KLHL3: variants seen among roughly 807,000 people sequenced by gnomAD.
KLHL3 encodes the protein kelch-like protein 3.
In KLHL3, 19 loss-of-function variants were observed where a neutral mutation model predicts 70.5. That is an observed-to-expected ratio of 0.27 (90% CI 0.19 to 0.40). KLHL3 has a LOEUF of 0.40. Among genes scored for constraint, KLHL3 ranks in the 10% least tolerant of loss-of-function variants. The probability of loss-of-function intolerance (pLI) is 1.00; values close to 1 mark genes in which losing one functional copy is unlikely to be tolerated. For synonymous variants in KLHL3, 258 were observed against 290.3 expected, an observed-to-expected ratio of 0.89 and a Z score of 1.13; for missense variants, 512 against 771.1, an observed-to-expected ratio of 0.66 and a Z score of 3.98.
intron 6 of KLHL3, among the ~76,000 whole-genome samples, chr5:137,677,128 A>C (rs1269069705): frequency 6.6e-6 from 1 of 152,170 alleles, no homozygotes; most frequent in Non-Finnish European, 1.5e-5. Flanking sequence ...ATTAAAAAAA[A>C]AAGCTGTTGT....
At chr5:137,632,414 ACT>A (rs1305182381) in intron 12 of KLHL3, among the ~76,000 whole-genome samples, 4 of 152,062 alleles carry the variant, frequency 2.6e-5, no homozygotes, top group Admixed American at 6.5e-5. Flanking sequence ...TGGGGAAAAG[ACT>A]CTCTATTCAA....
intron 8 of KLHL3, among the ~76,000 whole-genome samples, chr5:137,644,052 T>C (rs1750982619): frequency 6.6e-6 from 1 of 152,148 alleles, no homozygotes; most frequent in South Asian, 2.1e-4. Flanking sequence ...TTGTCACAAA[T>C]GACAGGATTT....
At chr5:137,702,375 G>T (rs141265136) in intron 3 of KLHL3, among the ~76,000 whole-genome samples, 26 of 152,294 alleles carry the variant, frequency 1.7e-4, no homozygotes, top group Non-Finnish European at 4.4e-5. Context: ...GAGAATGAGG[G>T]AAGAGTATCC....
chr5:137,690,972 A>G (rs1752307077), intron 5 of KLHL3, among the ~76,000 whole-genome samples: 1 of 152,226 alleles, frequency 6.6e-6, no homozygotes, highest in Non-Finnish European at 1.5e-5. Flanking sequence ...TTTCCTAGTC[A>G]TTCACCATCT....
chr5:137,667,087 C>T (rs931166996), intron 6 of KLHL3, among the ~76,000 whole-genome samples: 1 of 152,164 alleles, frequency 6.6e-6, no homozygotes, highest in Non-Finnish European at 1.5e-5. Context: ...TGCCCACAGG[C>T]CAAATCCAGC....
chr5:137,665,804 A>G (rs1320186280), intron 6 of KLHL3, among the ~76,000 whole-genome samples: 1 of 152,112 alleles, frequency 6.6e-6, no homozygotes, highest in Non-Finnish European at 1.5e-5. Flanking sequence ...TTTTCTAATT[A>G]TATACTTAAG....
intron 2 of KLHL3, among the ~76,000 whole-genome samples, chr5:137,715,093 A>G (rs7704568): frequency 0.18 from 27,221 of 152,200 alleles, 2,623 homozygotes; most frequent in Non-Finnish European, 0.21. Flanking sequence ...AGTAAGAGTC[A>G]CTAGAGCTCT....
intron 3 of KLHL3, among the ~76,000 whole-genome samples, chr5:137,705,662 C>G (rs1367136564): frequency 6.6e-6 from 1 of 152,096 alleles, no homozygotes; most frequent in Non-Finnish European, 1.5e-5. Context: ...GGCATAAGAC[C>G]CTGAGCCCAT....
chr5:137,661,025 G>C (rs1486476053), intron 7 of KLHL3: 2 of 152,198 alleles, frequency 1.3e-5, no homozygotes, highest in Non-Finnish European at 2.9e-5. Flanking sequence ...CTAACCTGCT[G>C]TCTCGATGTT....
intron 10 of KLHL3, among the ~76,000 whole-genome samples, chr5:137,638,048 G>A (rs568048642): frequency 2.0e-5 from 3 of 152,278 alleles, no homozygotes; most frequent in Non-Finnish European, 2.9e-5. Context: ...CTAACCTCTA[G>A]GCTTCTTGTT....
intron 6 of KLHL3, among the ~76,000 whole-genome samples, chr5:137,663,056 C>CTTTTTTTTTTTTT (rs139890036): frequency 1.0e-4 from 8 of 77,926 alleles, no homozygotes; most frequent in Admixed American, 1.6e-4. Context: ...AGCACTCGTT[C>CTTTTTTTTTTTTT]TTTTTTTTTT....
chr5:137,699,111 C>T (rs1357840232), intron 3 of KLHL3, among the ~76,000 whole-genome samples: 1 of 152,066 alleles, frequency 6.6e-6, no homozygotes, highest in Non-Finnish European at 1.5e-5. Flanking sequence ...ATCCCAAGAA[C>T]ACAGAGGAGG....
intron 3 of KLHL3, among the ~76,000 whole-genome samples, chr5:137,707,132 T>C (rs1752700986): frequency 6.6e-6 from 1 of 152,020 alleles, no homozygotes; most frequent in Non-Finnish European, 1.5e-5. Flanking sequence ...AAAAAATACA[T>C]ACATCAAAAA....
At chr5:137,664,882 AACAGATTACAT>A (rs1408034603) in intron 6 of KLHL3, among the ~76,000 whole-genome samples, 1 of 152,068 alleles carries the variant, frequency 6.6e-6, no homozygotes, top group African/African-American at 2.4e-5. Flanking sequence ...AGAATCACCC[AACAGATTACAT>A]ACTATTTACA....
At chr5:137,658,484 C>A (rs762851157) in intron 7 of KLHL3, among the ~76,000 whole-genome samples, 1 of 152,180 alleles carries the variant, frequency 6.6e-6, no homozygotes, top group Non-Finnish European at 1.5e-5. Context: ...TGGCATTAGA[C>A]CAGATCCACT....
intron 1 of KLHL3, among the ~76,000 whole-genome samples, chr5:137,734,404 C>T (rs1324915158): frequency 6.6e-6 from 1 of 151,482 alleles, no homozygotes; most frequent in Admixed American, 6.6e-5. Context: ...ACAGTCAGTC[C>T]CAGGCTCTTC....
At chr5:137,625,260 G>A (rs2149875973) in intron 14 of KLHL3, among the ~76,000 whole-genome samples, 1 of 152,356 alleles carries the variant, frequency 6.6e-6, no homozygotes, top group South Asian at 2.1e-4. Flanking sequence ...AGGGTTCCCT[G>A]GCTTTGCCAG....
At chr5:137,724,729 G>A (rs1183984291) in intron 1 of KLHL3, among the ~76,000 whole-genome samples, 2 of 152,164 alleles carry the variant, frequency 1.3e-5, no homozygotes, top group Non-Finnish European at 2.9e-5. Flanking sequence ...CAGGAAGTTT[G>A]GAGGAGACTC....
At chr5:137,650,671 A>T (rs1212361920) in intron 8 of KLHL3, among the ~76,000 whole-genome samples, 6 of 151,910 alleles carry the variant, frequency 3.9e-5, no homozygotes, top group Non-Finnish European at 7.4e-5. Context: ...AATACAAAAA[A>T]CGTAGCCGGG....
Sources: allele counts gnomAD v4.1 joint callset (sites outside exome capture counted in the v4.1 genomes callset), GRCh38; gene constraint gnomAD v4.1.1; transcripts MANE v1.5; gene names NCBI Gene and HGNC (gene_info 2026-07-23, HGNC 2026-07-21).